ITGA6: variants seen among roughly 807,000 people sequenced by gnomAD.
ITGA6 encodes the protein integrin subunit alpha 6.
In ITGA6, 63 loss-of-function variants were observed where a neutral mutation model predicts 133.6. The observed-to-expected ratio is 0.47, with a 90% confidence interval of 0.38 to 0.58. The LOEUF (loss-of-function observed/expected upper bound fraction) is 0.58, where lower values mean the gene tolerates loss of function less well. ITGA6 is among the 20% of genes least tolerant of loss of function. The pLI is 0.00. For synonymous variants in ITGA6, 434 were observed against 482.0 expected (o/e 0.90, Z 1.30); for missense variants, 1,068 against 1,309.4 (o/e 0.82, Z 2.85).
chr2:172,504,044 T>G (rs1687457407), intron 25 of ITGA6, 47 bp from the exon 26 acceptor site: 4 of 1,464,282 alleles, frequency 2.7e-6, no homozygotes, highest in Non-Finnish European at 3.7e-6. Context: ...TGTATTTGCT[T>G]CTTTGTGAGA....
At position 172,469,566 on chromosome 2, in the gene ITGA6, T is replaced by C. The variant is rs1464670591; in HGVS notation, c.643+186T>C. The stretch of plus-strand genomic sequence containing the variant: ...AATAGTGGAATATATGTTTTGGTGT[T>C]GACATTCTTTTCCCCTCTACCAGTA... On this transcript the variant is annotated intron_variant, in intron 4 of 25. Transcript: ENST00000684293. Among the ~76,000 whole-genome samples, 11 of 152,232 alleles carry C rather than the reference T, an allele frequency of 7.2e-5. No homozygotes were observed. The East Asian group carries it at 2.1e-3, about 29-fold the overall frequency.
chr2:172,455,117 A>C (rs752086837), intron 1 of ITGA6, among the ~76,000 whole-genome samples: 1 of 151,642 alleles, frequency 6.6e-6, no homozygotes, highest in Non-Finnish European at 1.5e-5. Context: ...AGATAGTAAG[A>C]TAAGATGAAG....
At chr2:172,452,595 A>G (rs1008760371) in intron 1 of ITGA6, among the ~76,000 whole-genome samples, 1 of 152,194 alleles carries the variant, frequency 6.6e-6, no homozygotes, top group Non-Finnish European at 1.5e-5. Flanking sequence ...TTTCTCATCT[A>G]TAAGTAGCCA....
chr2:172,462,736 C>A (rs546441193), intron 1 of ITGA6, among the ~76,000 whole-genome samples: 1 of 152,208 alleles, frequency 6.6e-6, no homozygotes, highest in African/African-American at 2.4e-5. Flanking sequence ...GGGACAACCT[C>A]CACAGCTTTT....
At chr2:172,428,747 T>C (rs1683986080) in intron 1 of ITGA6, 2 of 152,142 alleles carry the variant, frequency 1.3e-5, no homozygotes, top group African/African-American at 4.8e-5. Context: ...GCCTGGACTT[T>C]GCAAACAAGG....
At position 172,487,963 on chromosome 2, in the gene ITGA6, C is replaced by G; in HGVS notation, c.2327C>G (p.Thr776Arg). Residue 776 changes from threonine (T) to arginine (R), a missense_variant and splice_region_variant, in exon 18 of 26, where the codon ACA becomes AGA. Thr to Arg is a moderately conservative substitution (Grantham distance 71). Around this residue, in one of 3 missense-constraint regions of ITGA6, gnomAD observed 609 missense variants for 707.2 expected, o/e 0.86. Transcript: ENST00000684293. The stretch of plus-strand genomic sequence containing the variant: ...TATTGTTTCCTTTTCATTTTCAGAA[C>G]AAGCAATCAAGATAATTTGGCTCCA... Reference protein sequence around the residue: ...DLDINLKLETTSNQDNLAPIT... With the variant: ...DLDINLKLETRSNQDNLAPIT... 6.2e-7 allele frequency: 1 copy of G among 1,612,702 alleles called. No individual in the cohort carries two copies. The highest frequency in any genetic ancestry group is 8.5e-7 in the Non-Finnish European group (1 of 1,178,844).
intron 3 of ITGA6, among the ~76,000 whole-genome samples, chr2:172,468,140 T>A (rs1274521118): frequency 6.6e-6 from 1 of 152,204 alleles, no homozygotes; most frequent in African/African-American, 2.4e-5. Flanking sequence ...AAACTAGACA[T>A]CATTTCTGTC....
Position 172,487,026 on chromosome 2 carries a change from C to G in ITGA6, c.1858C>G (p.His620Asp). The change falls in exon 14 of 26, where the codon CAC becomes GAC. Residue 620 changes from histidine to aspartate, a missense_variant. Around this residue, in one of 3 missense-constraint regions of ITGA6, gnomAD observed 609 missense variants for 707.2 expected, o/e 0.86. Transcript: ENST00000684293. Reference sequence around the variant, plus strand: ...AATAGTTTTCGTTTTCCTACAGGTTCACTTCTTAAAAGAGGGATGTGGAGA... The same window carrying G: ...AATAGTTTTCGTTTTCCTACAGGTTGACTTCTTAAAAGAGGGATGTGGAGA... ...DEPKTAHIDV[H>D]FLKEGCGDDN... 6.3e-7 allele frequency: 1 copy of G among 1,583,210 alleles called. No individual in the cohort carries two copies. Among genetic ancestry groups the G allele is most frequent in the Non-Finnish European group, 8.7e-7 (1 of 1,152,006 alleles).
chr2:172,444,186 C>G (rs1684656940), intron 1 of ITGA6, among the ~76,000 whole-genome samples: 1 of 152,168 alleles, frequency 6.6e-6, no homozygotes, highest in Admixed American at 6.6e-5. Context: ...GACTTGAACC[C>G]ACCATTCTTG....
In ITGA6 at chr2:172,469,378, A is replaced by C; in HGVS notation, c.641A>C (p.Lys214Thr). Residue 214 changes from lysine to threonine, a missense_variant and splice_region_variant, in exon 4 of 26, where the codon AAA becomes ACA. Transcript: ENST00000684293. Reference sequence around the variant, plus strand: ...GGAGCCCCGGGTACTTATAACTGGAAAGGTATGACCTTTGTATTTATAGAA... The same window carrying C: ...GGAGCCCCGGGTACTTATAACTGGACAGGTATGACCTTTGTATTTATAGAA... Reference protein sequence around the residue: ...VFGAPGTYNWKGIVRVEQKNN... With the variant: ...VFGAPGTYNWTGIVRVEQKNN... 6.2e-7 allele frequency: 1 copy of C among 1,613,414 alleles called. No individual in the cohort carries two copies. Among genetic ancestry groups the C allele is most frequent in the Non-Finnish European group, 8.5e-7 (1 of 1,179,388 alleles).
intron 23 of ITGA6, 86 bp from the exon 24 acceptor site, chr2:172,497,889 T>A (rs1435008346): frequency 4.1e-6 from 6 of 1,466,558 alleles, no homozygotes; most frequent in Non-Finnish European, 5.7e-6. Flanking sequence ...CCAAAATATA[T>A]TCAAAAGCAG....
intron 5 of ITGA6, 61 bp from the exon 6 acceptor site, chr2:172,473,994 A>C (rs887147852): frequency 8.3e-7 from 1 of 1,202,480 alleles, no homozygotes; most frequent in Admixed American, 1.8e-5. Context: ...GGAGTTACCA[A>C]TGTCATAGGC....
At chr2:172,470,398 TATATTTTAATTC>T (rs1685868175) in intron 4 of ITGA6, among the ~76,000 whole-genome samples, 1 of 152,206 alleles carries the variant, frequency 6.6e-6, no homozygotes, top group Non-Finnish European at 1.5e-5. Flanking sequence ...ACCAATTATG[TATATTTTAATTC>T]ATGGAAAATA....
intron 1 of ITGA6, among the ~76,000 whole-genome samples, chr2:172,437,981 C>T (rs1160257147): frequency 6.6e-6 from 1 of 151,684 alleles, no homozygotes; most frequent in Non-Finnish European, 1.5e-5. Flanking sequence ...TGTGAGAGCA[C>T]TGATGGGGAG....
rs1371968391 is a variant in ITGA6 at position 172,465,683 on chromosome 2, T to A, written c.307+20T>A. The A allele has an allele frequency of 6.2e-7, 1 of 1,614,052 alleles. No homozygotes were observed. Among genetic ancestry groups the A allele is most frequent in the Admixed American group, 1.7e-5 (1 of 60,022 alleles). ...ACGATGGTGCGTTCCTTTCCCTCAC[T>A]CAGCGTTCACTCCGGCAGCTTGCCT... On this transcript the variant is annotated intron_variant, in intron 2 of 25. Coordinates refer to ENST00000684293, the MANE Select transcript of ITGA6 (RefSeq NM_000210.4).
chr2:172,478,141 A>G (rs922605947), intron 9 of ITGA6, among the ~76,000 whole-genome samples: 1 of 152,224 alleles, frequency 6.6e-6, no homozygotes, highest in African/African-American at 2.4e-5. Context: ...TTAAGAATGT[A>G]TCTAGTTAGT....
rs370439677 is a variant in ITGA6 at position 172,478,741 on chromosome 2, A to G, written c.1389-900A>G. On this transcript the variant is annotated intron_variant, in intron 9 of 25. Coordinates refer to ENST00000684293, the MANE Select transcript of ITGA6 (RefSeq NM_000210.4). Reference sequence around the variant, plus strand: ...AAAGTTTAAGTTTTTGCTTGCAGAGATATCGTGGGGGTAGAAAAGTTGTCA... The same window carrying G: ...AAAGTTTAAGTTTTTGCTTGCAGAGGTATCGTGGGGGTAGAAAAGTTGTCA... Among the ~76,000 whole-genome samples the G allele has an allele frequency of 3.9e-5, 6 of 152,288 alleles. No homozygotes were observed. The South Asian group carries it at 1.2e-3, about 32-fold the overall frequency.
intron 3 of ITGA6, among the ~76,000 whole-genome samples, chr2:172,468,523 T>C (rs183130953): frequency 9.2e-5 from 14 of 152,342 alleles, no homozygotes; most frequent in Admixed American, 7.8e-4. Flanking sequence ...CCTGTAGAAA[T>C]TATAGAGATT....
At position 172,491,304 on chromosome 2, in the gene ITGA6, G is replaced by T; in HGVS notation, c.2862G>T (p.Ser954=). The change falls in exon 22 of 26, where the codon TCG becomes TCT. Residue 954 remains serine, a synonymous_variant. Transcript: ENST00000684293. This position sits in a 1 kb window ranked among gnomAD's most constrained non-coding sequence, Gnocchi z 4.4. ...LDSKASLILR[S]RLWNSTFLEE... is the part of the protein sequence containing the mutation. Reference sequence around the variant, plus strand: ...GCAAGGCGTCTCTTATTTTGCGCTCGAGGTTATGGAACAGCACATTTCTAG... The same window carrying T: ...GCAAGGCGTCTCTTATTTTGCGCTCTAGGTTATGGAACAGCACATTTCTAG... 1 of 1,611,562 alleles carries T rather than the reference G, an allele frequency of 6.2e-7. No homozygotes were observed. The highest frequency in any genetic ancestry group is 8.5e-7 in the Non-Finnish European group (1 of 1,177,630).
Sources: gnomAD v4.1 joint callset for allele counts (sites outside exome capture counted in the v4.1 genomes callset) on GRCh38, gnomAD v4.1.1 for gene constraint, gnomAD v4.1.1 regional missense constraint, Gnocchi (gnomAD v3.1) non-coding constraint, MANE v1.5 for transcripts, NCBI Gene and HGNC (gene_info 2026-07-23, HGNC 2026-07-21) for gene names.